The following FGF12 variants were observed in gnomAD, a reference collection of about 807,000 sequenced individuals.
FGF12 encodes fibroblast growth factor 12, also known as fibroblast growth factor 12B.
In FGF12, 14 loss-of-function variants were observed where a neutral mutation model predicts 23.6. That is an observed-to-expected ratio of 0.59 (90% CI 0.39 to 0.93). The LOEUF is 0.93. Ranked by LOEUF, FGF12 falls within the 40% of genes least tolerant of loss-of-function variation. The pLI is 0.00. For missense variants in FGF12, 175 were observed against 217.8 expected, an observed-to-expected ratio of 0.80 and a Z score of 1.24; for synonymous variants, 62 against 77.3, an observed-to-expected ratio of 0.80 and a Z score of 1.04.
intron 4 of FGF12, among the ~76,000 whole-genome samples, chr3:192,255,958 T>C (rs1712360508): frequency 6.6e-6 from 1 of 152,126 alleles, no homozygotes; most frequent in Non-Finnish European, 1.5e-5. Context: ...ATGAAATTTA[T>C]AGTGCTTTTT....
rs549816051 is a variant in FGF12 at position 192,460,675 on chromosome 3, C to T, written c.14-100137G>A. 4.2e-3 allele frequency among the ~76,000 whole-genome samples: 566 copies of T among 133,984 alleles called. 3 individuals carry two copies. The highest frequency in any genetic ancestry group is 0.016 in the African/African-American group (550 of 33,934). The allele number at this position is 133,984 out of a possible 152,430, so 87.9% of individuals were successfully genotyped here. A position where few individuals can be genotyped will look rare whatever the true frequency, so the allele number is the denominator to read the frequency against. On this transcript the variant is annotated intron_variant, in intron 2 of 5. Coordinates refer to ENST00000445105, the MANE Select transcript of FGF12 (RefSeq NM_004113.6). ...ATATATACATATACACACACACACA[C>T]ATATATTTATATATATATATATATA...
chr3:192,425,508 G>A (rs1023458205), intron 2 of FGF12, among the ~76,000 whole-genome samples: 2 of 152,148 alleles, frequency 1.3e-5, no homozygotes, highest in Non-Finnish European at 2.9e-5. Flanking sequence ...CCAGGGCAGC[G>A]ATCCTATGTG....
chr3:192,325,437 T>A (rs1229106936), intron 4 of FGF12, among the ~76,000 whole-genome samples: 2 of 152,192 alleles, frequency 1.3e-5, no homozygotes, highest in Non-Finnish European at 2.9e-5. Flanking sequence ...TATTTAGGCA[T>A]CATTAAGTTC....
At chr3:192,440,991 C>T (rs973399041) in intron 2 of FGF12, among the ~76,000 whole-genome samples, 1 of 152,192 alleles carries the variant, frequency 6.6e-6, no homozygotes, top group Admixed American at 6.5e-5. Context: ...TAAAGGACTT[C>T]AATCTGATAA....
intron 2 of FGF12, among the ~76,000 whole-genome samples, chr3:192,635,955 C>T (rs76001633): frequency 6.6e-6 from 1 of 152,112 alleles, no homozygotes; most frequent in Admixed American, 6.5e-5. Context: ...GTCTCAAGCA[C>T]CTCAAAGATA....
At chr3:192,453,441 C>T (rs1446710499) in intron 2 of FGF12, among the ~76,000 whole-genome samples, 5 of 151,866 alleles carry the variant, frequency 3.3e-5, no homozygotes, top group African/African-American at 1.2e-4. Flanking sequence ...AAGAATGCCC[C>T]CCCCTTTTTA....
At chr3:192,520,818 A>G (rs895421600) in intron 2 of FGF12, among the ~76,000 whole-genome samples, 2 of 151,626 alleles carry the variant, frequency 1.3e-5, no homozygotes, top group African/African-American at 2.4e-5. Flanking sequence ...TGGTTTCTTT[A>G]GTTTATCTTG....
chr3:192,664,605 C>CA lies in FGF12; in HGVS notation c.13+62575dup, dbSNP rs763256973. 5.2e-3 allele frequency among the ~76,000 whole-genome samples: 577 copies of CA among 111,906 alleles called. 9 individuals are homozygous for CA. The highest frequency in any genetic ancestry group is 0.019 in the East Asian group (71 of 3,680). The allele number at this position is 111,906 out of a possible 152,430, so 73.4% of individuals were successfully genotyped here. A position where few individuals can be genotyped will look rare whatever the true frequency, so the allele number is the denominator to read the frequency against. ...CTCTACTAAAAATACAAAAAAAATA[C>CA]AAAAAAAAAAAAAAGCTGGGCATGG... On this transcript the variant is annotated intron_variant, in intron 2 of 5. Coordinates refer to ENST00000445105, the MANE Select transcript of FGF12 (RefSeq NM_004113.6).
chr3:192,665,690 TA>T (rs993208282), intron 2 of FGF12, among the ~76,000 whole-genome samples: 13 of 152,136 alleles, frequency 8.5e-5, no homozygotes, highest in African/African-American at 3.1e-4. Flanking sequence ...GGTTGATAGG[TA>T]CAGCAAACAA....
At chr3:192,273,585 G>A (rs1478496086) in intron 4 of FGF12, among the ~76,000 whole-genome samples, 2 of 152,106 alleles carry the variant, frequency 1.3e-5, no homozygotes, top group East Asian at 1.9e-4. Flanking sequence ...ATCCATGTCT[G>A]TAGCTGGACT....
At chr3:192,178,315 ATAT>A (rs1189865889) in intron 4 of FGF12, among the ~76,000 whole-genome samples, 3 of 152,150 alleles carry the variant, frequency 2.0e-5, no homozygotes, top group Non-Finnish European at 4.4e-5. Flanking sequence ...TGGTGGTAAT[ATAT>A]TATTATTTAA....
intron 4 of FGF12, among the ~76,000 whole-genome samples, chr3:192,316,826 G>A (rs1221578813): frequency 8.5e-5 from 13 of 152,192 alleles, no homozygotes; most frequent in Admixed American, 6.5e-5. Context: ...TAGCAGCTAC[G>A]GGAGAGACAT....
chr3:192,247,982 C>A (rs929085669), intron 4 of FGF12, among the ~76,000 whole-genome samples: 3 of 152,136 alleles, frequency 2.0e-5, no homozygotes, highest in African/African-American at 7.2e-5. Flanking sequence ...GCTATCTGAC[C>A]CTTCAAGACT....
intron 2 of FGF12, among the ~76,000 whole-genome samples, chr3:192,595,430 A>G (rs1279772802): frequency 6.6e-6 from 1 of 152,048 alleles, no homozygotes; most frequent in African/African-American, 2.4e-5. Flanking sequence ...TCCCTCATTC[A>G]TGTGTCCTTC....
At chr3:192,659,709 G>A (rs1716579495) in intron 2 of FGF12, among the ~76,000 whole-genome samples, 1 of 152,114 alleles carries the variant, frequency 6.6e-6, no homozygotes, top group South Asian at 2.1e-4. Context: ...CTAGATCGTT[G>A]AGGAATCGCC....
intron 2 of FGF12, among the ~76,000 whole-genome samples, chr3:192,621,272 G>C (rs2108647808): frequency 6.6e-6 from 1 of 151,962 alleles, no homozygotes; most frequent in South Asian, 2.1e-4. Flanking sequence ...CTTTTTTCTT[G>C]TATAATTTAT....
intron 2 of FGF12, among the ~76,000 whole-genome samples, chr3:192,439,716 C>T (rs1241421021): frequency 1.3e-5 from 2 of 152,112 alleles, no homozygotes; most frequent in African/African-American, 4.8e-5. Flanking sequence ...GTGGCTCACG[C>T]CTGTAATCCC....
At chr3:192,253,788 C>T (rs956679531) in intron 4 of FGF12, among the ~76,000 whole-genome samples, 6 of 151,916 alleles carry the variant, frequency 3.9e-5, no homozygotes, top group African/African-American at 1.4e-4. Context: ...AAATTATTCA[C>T]TTTAGAAAAG....
At chr3:192,158,332 CTCTTTCTTTCTT>C (rs375016082) in intron 5 of FGF12, among the ~76,000 whole-genome samples, 4,051 of 112,372 alleles carry the variant, frequency 0.036, 113 homozygotes, top group South Asian at 0.051. Flanking sequence ...TTCTTTCTTT[CTCTTTCTTTCTT>C]TCTTTCTTTC....
Sources: allele counts gnomAD v4.1 joint callset (sites outside exome capture counted in the v4.1 genomes callset), GRCh38; gene constraint gnomAD v4.1.1; transcripts MANE v1.5; gene names NCBI Gene and HGNC (gene_info 2026-07-23, HGNC 2026-07-21).